Variants in PLPPR1 observed in about 807,000 individuals in gnomAD.
PLPPR1 encodes phospholipid phosphatase related 1.
A neutral mutation model predicts 33.1 loss-of-function variants in PLPPR1; 10 were observed. The observed-to-expected ratio is 0.30, with a 90% CI of 0.19 to 0.51. The LOEUF is 0.51. PLPPR1 is among the 20% of genes least tolerant of loss of function. The probability of loss-of-function intolerance (pLI) is 0.97; values close to 1 mark genes in which losing one functional copy is unlikely to be tolerated. For missense variants in PLPPR1, 304 were observed against 408.1 expected (o/e 0.74, Z 2.20); for synonymous variants, 151 against 151.0 (o/e 1.00, Z 0.00).
intron 7 of PLPPR1, among the ~76,000 whole-genome samples, chr9:101,323,253 G>C (rs752269785): frequency 6.6e-6 from 1 of 152,112 alleles, no homozygotes; most frequent in Non-Finnish European, 1.5e-5. Context: ...CCAGCACTTC[G>C]GAAGGCCAAG....
intron 3 of PLPPR1, among the ~76,000 whole-genome samples, chr9:101,284,590 A>G (rs1437465296): frequency 6.6e-6 from 1 of 152,192 alleles, no homozygotes; most frequent in Non-Finnish European, 1.5e-5. Context: ...GTGTACATAC[A>G]CTTTAATGCA....
chr9:101,266,020 G>A (rs1253530377), intron 2 of PLPPR1, among the ~76,000 whole-genome samples: 2 of 151,900 alleles, frequency 1.3e-5, no homozygotes, highest in African/African-American at 4.8e-5. Flanking sequence ...ACAGGAGAAT[G>A]TTCAATAGAA....
At chr9:101,117,533 T>G (rs1831130681) in intron 1 of PLPPR1, among the ~76,000 whole-genome samples, 1 of 152,090 alleles carries the variant, frequency 6.6e-6, no homozygotes, top group Non-Finnish European at 1.5e-5. Context: ...AATAACTCAC[T>G]CCTTGTTTAG....
chr9:101,254,818 C>CT (rs1827771124), intron 2 of PLPPR1, among the ~76,000 whole-genome samples: 1 of 152,142 alleles, frequency 6.6e-6, no homozygotes, highest in East Asian at 1.9e-4. Flanking sequence ...TTCCCTCCAA[C>CT]TTTTTAACCA....
At chr9:101,288,047 A>T (rs1296991897) in intron 4 of PLPPR1, among the ~76,000 whole-genome samples, 1 of 152,214 alleles carries the variant, frequency 6.6e-6, no homozygotes, top group African/African-American at 2.4e-5. Flanking sequence ...GGCAAAGATA[A>T]ATTATACCTT....
intron 4 of PLPPR1, among the ~76,000 whole-genome samples, chr9:101,305,240 A>AGTGTGTGT (rs1249932769): frequency 6.6e-6 from 1 of 151,900 alleles, no homozygotes; most frequent in Non-Finnish European, 1.5e-5. Context: ...TGCATGCGCA[A>AGTGTGTGT]GTGTGTGTAT....
intron 2 of PLPPR1, among the ~76,000 whole-genome samples, chr9:101,196,677 C>T (rs2033392): frequency 0.14 from 20,604 of 152,020 alleles, 1,981 homozygotes; most frequent in East Asian, 0.57. Context: ...CTGGCTAACA[C>T]GGTGAAACCA....
chr9:101,055,666 G>A (rs1830271176), intron 1 of PLPPR1, among the ~76,000 whole-genome samples: 1 of 152,154 alleles, frequency 6.6e-6, no homozygotes, highest in Non-Finnish European at 1.5e-5. Context: ...GCACACAGAA[G>A]CTCTTTATGT....
Position 101,286,127 on chromosome 9 carries a change from G to A in PLPPR1, c.276G>A (p.Met92Ile). ...TAIIFIGEISMYFIKSTRESL... is the reference protein window; with the variant it reads ...TAIIFIGEISIYFIKSTRESL... ...AGATTTTTATTGGTGAGATATCCATGTATTTCATAAAATCAACAAGAGAAT... is the reference window on the plus strand; with the variant it reads ...AGATTTTTATTGGTGAGATATCCATATATTTCATAAAATCAACAAGAGAAT... Residue 92 changes from methionine to isoleucine, a missense_variant, in exon 4 of 8, where the codon ATG becomes ATA. Met to Ile is a conservative substitution (Grantham distance 10). Coordinates refer to ENST00000374874, the MANE Select transcript of PLPPR1 (RefSeq NM_207299.2). The A allele has an allele frequency of 6.2e-7, 1 of 1,612,574 alleles. No homozygotes were observed. The highest frequency in any genetic ancestry group is 1.1e-5 in the South Asian group (1 of 91,022).
chr9:101,128,486 C>G (rs1053185763), intron 1 of PLPPR1, among the ~76,000 whole-genome samples: 3 of 152,134 alleles, frequency 2.0e-5, no homozygotes, highest in East Asian at 1.9e-4. Flanking sequence ...GTGCCAAATT[C>G]AGTTTCCATT....
chr9:101,160,978 C>T (rs1226428988), intron 1 of PLPPR1, among the ~76,000 whole-genome samples: 1 of 152,158 alleles, frequency 6.6e-6, no homozygotes, highest in Non-Finnish European at 1.5e-5. Context: ...AAGAATATCT[C>T]TCAGTTTCCT....
chr9:101,090,729 A>G (rs112929707), intron 1 of PLPPR1, among the ~76,000 whole-genome samples: 3,007 of 31,452 alleles, frequency 0.096, 64 homozygotes, highest in African/African-American at 0.18. Context: ...AAACAAACAA[A>G]CAAACAAACA....
intron 2 of PLPPR1, among the ~76,000 whole-genome samples, chr9:101,223,926 A>T (rs1269986289): frequency 6.6e-6 from 1 of 152,154 alleles, no homozygotes; most frequent in Non-Finnish European, 1.5e-5. Context: ...GAAAACAAAT[A>T]GTTTTTAGTT....
At chr9:101,256,549 A>C (rs1445336089) in intron 2 of PLPPR1, among the ~76,000 whole-genome samples, 2 of 152,170 alleles carry the variant, frequency 1.3e-5, no homozygotes, top group African/African-American at 4.8e-5. Flanking sequence ...GAGATCCAAA[A>C]GGGATCTCCG....
chr9:101,142,099 C>A (rs758217341), intron 1 of PLPPR1, among the ~76,000 whole-genome samples: 2 of 152,084 alleles, frequency 1.3e-5, no homozygotes, highest in Non-Finnish European at 2.9e-5. Flanking sequence ...CTAGGTGATC[C>A]CAACTTTCTC....
chr9:101,303,553 G>A (rs926645189), intron 4 of PLPPR1, among the ~76,000 whole-genome samples: 49 of 151,696 alleles, frequency 3.2e-4, no homozygotes, highest in Non-Finnish European at 5.5e-4. Context: ...CGCCTGCCTC[G>A]GCCTCCCAAA....
At chr9:101,167,141 G>GTGTGTGTGTGTGTGTGTGTGT (rs1825869572) in intron 1 of PLPPR1, among the ~76,000 whole-genome samples, 2 of 39,744 alleles carry the variant, frequency 5.0e-5, no homozygotes, top group Non-Finnish European at 5.6e-5. Flanking sequence ...TATGTCTCTC[G>GTGTGTGTGTGTGTGTGTGTGT]GTGTGTGTGT....
intron 1 of PLPPR1, among the ~76,000 whole-genome samples, chr9:101,127,540 C>T (rs1588039027): frequency 6.6e-6 from 1 of 152,300 alleles, no homozygotes; most frequent in South Asian, 2.1e-4. Flanking sequence ...ATTAGCTCTG[C>T]TACTTGAGAT....
intron 1 of PLPPR1, among the ~76,000 whole-genome samples, chr9:101,050,534 G>A (rs1384970516): frequency 6.6e-6 from 1 of 152,148 alleles, no homozygotes; most frequent in Non-Finnish European, 1.5e-5. Context: ...CTGTTTATTT[G>A]TTCCTGGCAA....
Sources: allele counts gnomAD v4.1 joint callset (sites outside exome capture counted in the v4.1 genomes callset), GRCh38; gene constraint gnomAD v4.1.1; transcripts MANE v1.5; gene names NCBI Gene and HGNC (gene_info 2026-07-23, HGNC 2026-07-21).